Variants in PCTP observed in about 807,000 individuals in gnomAD.
PCTP encodes the protein START domain-containing protein 2.
PCTP carries 27 observed loss-of-function variants against 31.0 expected under a neutral mutation model. The observed-to-expected ratio is 0.87, with a 90% confidence interval of 0.64 to 1.20. The LOEUF (loss-of-function observed/expected upper bound fraction) is 1.20. Ranked by LOEUF, PCTP falls within the 50% of genes most tolerant of loss-of-function variation. PCTP has a pLI of 0.00. For missense variants in PCTP, 287 were observed against 268.2 expected (o/e 1.07, Z -0.49); for synonymous variants, 108 against 101.2 (o/e 1.07, Z -0.40).
the PCTP span, among the ~76,000 whole-genome samples, chr17:55,849,315 A>G: frequency 6.6e-6 from 1 of 152,194 alleles, no homozygotes; most frequent in Non-Finnish European, 1.5e-5. Context: ...GACAAATTCT[A>G]CCAAACATTT....
intron 1 of PCTP, among the ~76,000 whole-genome samples, chr17:55,751,693 G>A (rs1277654810): frequency 1.3e-5 from 2 of 152,152 alleles, no homozygotes; most frequent in Non-Finnish European, 2.9e-5. Flanking sequence ...GGATGTGCAG[G>A]GTGGTGTCAG....
chr17:55,836,558 A>G (rs1905783608), intron 5 of PCTP, among the ~76,000 whole-genome samples: 1 of 152,200 alleles, frequency 6.6e-6, no homozygotes, highest in South Asian at 2.1e-4. Context: ...TTCCTGGGTT[A>G]TCTTCAGCAA....
intron 3 of PCTP, among the ~76,000 whole-genome samples, chr17:55,806,835 G>A (rs1450132361): frequency 1.3e-5 from 2 of 152,104 alleles, no homozygotes; most frequent in Admixed American, 6.6e-5. Context: ...GGAAAATGTT[G>A]TCAGCTTCAT....
chr17:55,831,722 T>C (rs1479560071), intron 5 of PCTP, among the ~76,000 whole-genome samples: 4 of 152,124 alleles, frequency 2.6e-5, no homozygotes. Context: ...TCCTTTGCAC[T>C]AGAGTCCCAG....
intron 1 of PCTP, among the ~76,000 whole-genome samples, chr17:55,758,470 C>T (rs944787444): frequency 6.6e-6 from 1 of 152,148 alleles, no homozygotes; most frequent in Non-Finnish European, 1.5e-5. Flanking sequence ...GATGTGAAAT[C>T]CCTACTCCTA....
At chr17:55,757,808 C>T (rs1372220989) in intron 1 of PCTP, among the ~76,000 whole-genome samples, 2 of 152,050 alleles carry the variant, frequency 1.3e-5, no homozygotes, top group Non-Finnish European at 2.9e-5. Flanking sequence ...ACATTGAGAG[C>T]TAAAGTCAGA....
At chr17:55,818,316 C>T (rs2145058363) in intron 3 of PCTP, among the ~76,000 whole-genome samples, 1 of 152,328 alleles carries the variant, frequency 6.6e-6, no homozygotes, top group East Asian at 1.9e-4. Flanking sequence ...GGGTTTTAAA[C>T]AAGACCACTT....
chr17:55,842,530 AC>A (rs1906016449), intron 5 of PCTP: 2 of 152,152 alleles, frequency 1.3e-5, no homozygotes, highest in South Asian at 4.1e-4. Flanking sequence ...AAAGTGAAGA[AC>A]CAGACTGGAG....
chr17:55,791,703 T>C (rs1470883723), intron 3 of PCTP, among the ~76,000 whole-genome samples: 1 of 152,154 alleles, frequency 6.6e-6, no homozygotes, highest in African/African-American at 2.4e-5. Flanking sequence ...TTTACACTGT[T>C]GGTGGGATTG....
At chr17:55,846,096 C>T (rs1239632413), downstream of PCTP, among the ~76,000 whole-genome samples, 1 of 151,966 alleles carries the variant, frequency 6.6e-6, no homozygotes, top group African/African-American at 2.4e-5. Context: ...CTCTGACATT[C>T]CAGAGTTCTA....
chr17:55,753,177 T>C lies in PCTP; in HGVS notation c.141+1933T>C, dbSNP rs866215566. ...ATCTGGCTTATTTCCTCCCATTTTC[T>C]TTCCTTTATCTTTGCTACTTTGGGT... On this transcript the variant is annotated intron_variant, in intron 1 of 5. Coordinates refer to ENST00000268896, the MANE Select transcript of PCTP (RefSeq NM_021213.4). Among the ~76,000 whole-genome samples the C allele has an allele frequency of 5.9e-5, 9 of 152,246 alleles. No homozygotes were observed. In the South Asian group the frequency reaches 8.3e-4, roughly 14 times the overall value.
chr17:55,766,394 A>G (rs1410362023), intron 1 of PCTP, among the ~76,000 whole-genome samples: 1 of 146,100 alleles, frequency 6.8e-6, no homozygotes, highest in African/African-American at 2.6e-5. Context: ...TATATCTCCT[A>G]ATGCTATCCC....
downstream of PCTP, among the ~76,000 whole-genome samples, chr17:55,823,558 A>G (rs1462527221): frequency 6.6e-6 from 1 of 152,254 alleles, no homozygotes; most frequent in East Asian, 1.9e-4. Context: ...GAAAGTAAAT[A>G]TATAAATTAG....
intron 3 of PCTP, among the ~76,000 whole-genome samples, chr17:55,789,000 C>T (rs571856774): frequency 3.3e-5 from 5 of 152,112 alleles, no homozygotes; most frequent in South Asian, 4.1e-4. Flanking sequence ...GAGCCTGGCA[C>T]CTACTGGCTT....
intron 5 of PCTP, among the ~76,000 whole-genome samples, chr17:55,835,328 T>C (rs2145085275): frequency 6.6e-6 from 1 of 152,318 alleles, no homozygotes; most frequent in Non-Finnish European, 1.5e-5. Context: ...AACTGCTACC[T>C]GTCCCATGCT....
In PCTP at chr17:55,792,908, C is replaced by G. The variant is rs150882860; in HGVS notation, c.317+5254C>G. On this transcript the variant is annotated intron_variant, in intron 3 of 3. Transcript: ENST00000572536. Reference sequence around the variant, plus strand: ...CTCTCTGACTCTTTGCTCTGATTTTCTCAATGGCTTTGCACCAAGGGTATG... The same window carrying G: ...CTCTCTGACTCTTTGCTCTGATTTTGTCAATGGCTTTGCACCAAGGGTATG... Among the ~76,000 whole-genome samples the G allele has an allele frequency of 3.1e-3, 474 of 152,174 alleles. 2 individuals are homozygous for G. Among genetic ancestry groups the G allele is most frequent in the African/African-American group, 0.011 (446 of 41,538 alleles).
At chr17:55,845,884 T>TGG (rs1555572495), downstream of PCTP, among the ~76,000 whole-genome samples, 347 of 103,112 alleles carry the variant, frequency 3.4e-3, no homozygotes, top group Admixed American at 8.3e-3. Context: ...TTGAGAGGGT[T>TGG]GGGGTGTGTG....
chr17:55,848,612 G>A, the PCTP span, among the ~76,000 whole-genome samples: 1 of 152,126 alleles, frequency 6.6e-6, no homozygotes, highest in African/African-American at 2.4e-5. Flanking sequence ...GTGAAGGCAG[G>A]ACCAAAACCC....
chr17:55,774,832 G>A lies in PCTP; in HGVS notation c.552G>A (p.Pro184=), dbSNP rs371579881. 5.5e-5 allele frequency: 83 copies of A among 1,521,798 alleles called. No individual in the cohort carries two copies. The East Asian group carries it at 7.7e-4, about 14-fold the overall frequency. The allele number at this position is 1,521,798 out of a possible 1,614,324, so 94.3% of individuals were successfully genotyped here. The change falls in exon 5 of 6, where the codon CCG becomes CCA. Residue 184 remains proline (P), a synonymous_variant. Coordinates refer to ENST00000268896, the MANE Select transcript of PCTP (RefSeq NM_021213.4). ...YYFDNPGGQI[P]SWLINWAAKN... The stretch of plus-strand genomic sequence containing the variant: ...TCGATAACCCGGGTGGCCAAATTCC[G>A]TCCTGGCTCATTAACTGGGCCGCCA...
Sources: gnomAD v4.1 joint callset for allele counts (sites outside exome capture counted in the v4.1 genomes callset) on GRCh38, gnomAD v4.1.1 for gene constraint, MANE v1.5 for transcripts, NCBI Gene and HGNC (gene_info 2026-07-23, HGNC 2026-07-21) for gene names.